Variants in PDXDC1 observed in about 807,000 individuals in gnomAD.
PDXDC1 encodes pyridoxal dependent decarboxylase domain containing 1.
Under a neutral mutation model 100.1 loss-of-function variants are expected in PDXDC1, and 42 were observed. The observed-to-expected ratio is 0.42, with a 90% CI of 0.33 to 0.54. The LOEUF is 0.54. Ranked by LOEUF, PDXDC1 falls within the 20% of genes least tolerant of loss-of-function variation. PDXDC1 has a pLI of 0.10. For synonymous variants in PDXDC1, 260 were observed against 371.7 expected, an observed-to-expected ratio of 0.70 and a Z score of 3.46; for missense variants, 636 against 979.2, an observed-to-expected ratio of 0.65 and a Z score of 4.68.
the PDXDC1 span, among the ~76,000 whole-genome samples, chr16:15,145,212 CCGGCTGTGCGGGCACA>C: frequency 6.6e-6 from 1 of 152,318 alleles, no homozygotes; most frequent in African/African-American, 2.4e-5. Context: ...CCATCTGCGC[CCGGCTGTGCGGGCACA>C]GCAGTGCCCT....
At chr16:15,104,896 T>C in intron 16 of PDXDC1, 12 of 1,532,472 alleles carry the variant, frequency 7.8e-6, no homozygotes, top group Non-Finnish European at 6.1e-6. Flanking sequence ...AAAATAGCAG[T>C]ATCAGTGTCA....
chr16:15,038,277 C>CAAAGT lies in PDXDC1; in HGVS notation c.*2004_*2008dup, dbSNP rs2043628590. 1 of 1,124,046 alleles carries CAAAGT rather than the reference C, an allele frequency of 8.9e-7. No individual in the cohort carries two copies. Among genetic ancestry groups the CAAAGT allele is most frequent in the Non-Finnish European group, 1.3e-6 (1 of 769,748 alleles). The allele number at this position is 1,124,046 out of a possible 1,614,324, so 69.6% of individuals were successfully genotyped here. On this transcript the variant is annotated 3_prime_UTR_variant, in exon 23 of 23. Transcript: ENST00000396410. ...CTGTCCCCTGCTGTGATAAAGATGT[C>CAAAGT]AAAGTATCTTTGTTCTTGGACACAA...
chr16:15,053,226 C>T (rs1233306786), intron 16 of PDXDC1, among the ~76,000 whole-genome samples: 2 of 152,246 alleles, frequency 1.3e-5, no homozygotes, highest in Non-Finnish European at 2.9e-5. Flanking sequence ...CCAATCCTGG[C>T]TTCACCACTC....
chr16:15,085,744 C>T, intron 16 of PDXDC1: 1 of 1,609,246 alleles, frequency 6.2e-7, no homozygotes, highest in Non-Finnish European at 8.5e-7. Flanking sequence ...TTGATCTAGA[C>T]AATGAATGGC....
At chr16:14,983,891 A>G (rs1464302384) in intron 1 of PDXDC1, among the ~76,000 whole-genome samples, 1 of 152,240 alleles carries the variant, frequency 6.6e-6, no homozygotes, top group African/African-American at 2.4e-5. Flanking sequence ...GACCTGGTGC[A>G]GTGGCTCACA....
intron 8 of PDXDC1, among the ~76,000 whole-genome samples, chr16:15,012,324 T>C (rs527365802): frequency 3.9e-5 from 6 of 152,120 alleles, no homozygotes; most frequent in Admixed American, 3.9e-4. Context: ...AGGCTGGTCT[T>C]GAACTCCTGA....
intron 17 of PDXDC1, chr16:15,032,646 C>A: frequency 3.3e-6 from 1 of 304,802 alleles, no homozygotes; most frequent in Non-Finnish European, 5.6e-6. Context: ...CAAGTGAGAC[C>A]CTGCTTTAAA....
chr16:15,133,746 G>A lies in PDXDC1; in HGVS notation c.1400-5133G>A, dbSNP rs376544846. On this transcript the variant is annotated intron_variant, in intron 16 of 16. Coordinates refer to the PDXDC1 transcript ENST00000535621. ...TGGCATCACGGGAGGGCTCCGTGAC[G>A]TCACAGTCGGGGGATCCCGCTGCTC... is the stretch of plus-strand genomic sequence containing the variant. 110 of 1,596,738 alleles carry A rather than the reference G, an allele frequency of 6.9e-5. No individual in the cohort carries two copies. In the East Asian group the frequency reaches 1.4e-3, roughly 21 times the overall value.
chr16:15,041,072 G>A (rs1213388314), downstream of PDXDC1: 4 of 1,596,282 alleles, frequency 2.5e-6, no homozygotes, highest in Non-Finnish European at 1.7e-6. Flanking sequence ...ACTTACCAAT[G>A]CCATATATTA....
intron 1 of PDXDC1, among the ~76,000 whole-genome samples, chr16:14,984,055 T>G (rs1236416265): frequency 6.6e-6 from 1 of 152,228 alleles, no homozygotes; most frequent in African/African-American, 2.4e-5. Flanking sequence ...CCCAGCTACT[T>G]GGGAGGCTGA....
the PDXDC1 span, among the ~76,000 whole-genome samples, chr16:15,152,008 G>A: frequency 6.7e-6 from 1 of 148,228 alleles, no homozygotes. Context: ...AGGCTCTGGG[G>A]TGGGGGGTCT....
At chr16:15,128,030 G>T (rs1361253175) in intron 16 of PDXDC1, 2 of 1,600,450 alleles carry the variant, frequency 1.2e-6, no homozygotes, top group South Asian at 1.1e-5. Flanking sequence ...GCCCCCGTTG[G>T]CCTCCGTCTC....
chr16:15,017,620 A>T (rs1213594199), intron 11 of PDXDC1, among the ~76,000 whole-genome samples, 198 bp downstream of exon 11: 1 of 152,272 alleles, frequency 6.6e-6, no homozygotes, highest in Non-Finnish European at 1.5e-5. Flanking sequence ...CAATTTAATT[A>T]TTCTCCATTT....
rs1180426330 is a variant in PDXDC1, at chr16:15,125,224, A to G, written c.1400-13655A>G. ...GTGTTGGTTGTAAAAGGAGAGACCC[A>G]GTAAGTGGGGGTTGTGCCGCAGATT... On this transcript the variant is annotated intron_variant, in intron 16 of 16. Transcript: ENST00000535621. 1.8e-5 allele frequency: 9 copies of G among 512,252 alleles called. No homozygotes were observed. The African/African-American group carries it at 1.8e-4, about 10-fold the overall frequency. 31.7% of individuals were successfully genotyped at this position (512,252 alleles called of 1,614,324 possible). A position where few individuals can be genotyped will look rare whatever the true frequency, so the allele number is the denominator to read the frequency against.
At chr16:15,132,256 T>G (rs1474597453) in intron 16 of PDXDC1, among the ~76,000 whole-genome samples, 3 of 5,216 alleles carry the variant, frequency 5.8e-4, no homozygotes, top group Admixed American at 1.8e-3. Flanking sequence ...GGGGGAGGAG[T>G]GGAGGGGCTC....
intron 16 of PDXDC1, chr16:15,125,444 C>T: frequency 2.3e-6 from 2 of 865,170 alleles, no homozygotes; most frequent in Non-Finnish European, 3.9e-6. Flanking sequence ...CGTGGTGTGA[C>T]CACATGGAGC....
In PDXDC1 at chr16:15,036,473, C is replaced by CTA; in HGVS notation, c.*198_*199insTA. On this transcript the variant is annotated 3_prime_UTR_variant, in exon 23 of 23. Transcript: ENST00000396410. ...TGTCTAACTTCATGTACATGTAGAA[C>CTA]CACGTTTGCTGTCCTACTACGACTT... 2.0e-6 allele frequency: 1 copy of CTA among 490,338 alleles called. No homozygotes were observed. The highest frequency in any genetic ancestry group is 3.5e-6 in the Non-Finnish European group (1 of 282,014). 30.4% of individuals were successfully genotyped at this position (490,338 alleles called of 1,614,324 possible).
At chr16:15,024,541 T>C (rs555330379) in intron 13 of PDXDC1, among the ~76,000 whole-genome samples, 105 of 152,324 alleles carry the variant, frequency 6.9e-4, no homozygotes, top group African/African-American at 2.4e-3. Flanking sequence ...GCCTCCCGAG[T>C]AGCTGGGGTT....
At chr16:15,064,624 A>C (rs963453993) in intron 16 of PDXDC1, among the ~76,000 whole-genome samples, 1 of 152,246 alleles carries the variant, frequency 6.6e-6, no homozygotes, top group Admixed American at 6.5e-5. Flanking sequence ...TTACATGTTT[A>C]AATAACAGTT....
Sources: allele counts gnomAD v4.1 joint callset (sites outside exome capture counted in the v4.1 genomes callset), GRCh38; gene constraint gnomAD v4.1.1; transcripts MANE v1.5; gene names NCBI Gene and HGNC (gene_info 2026-07-23, HGNC 2026-07-21).